MYO9B: variants seen among roughly 807,000 people sequenced by gnomAD.
MYO9B encodes myosin IXB.
Under a neutral mutation model 229.5 loss-of-function variants are expected in MYO9B, and 71 were observed. The ratio of observed to expected loss-of-function variants is 0.31; its 90% CI spans 0.26 to 0.38. The LOEUF (loss-of-function observed/expected upper bound fraction) is 0.38, where lower values mean the gene tolerates loss of function less well. Among genes scored for constraint, MYO9B ranks in the 10% least tolerant of loss-of-function variants. The pLI is 1.00. For missense variants in MYO9B, 2,255 were observed against 2,920.5 expected, an observed-to-expected ratio of 0.77 and a Z score of 5.25; for synonymous variants, 1,185 against 1,235.8, an observed-to-expected ratio of 0.96 and a Z score of 0.86.
At chr19:17,130,629 A>T (rs1396550781) in intron 2 of MYO9B, among the ~76,000 whole-genome samples, 3 of 151,610 alleles carry the variant, frequency 2.0e-5, no homozygotes, top group Admixed American at 6.6e-5. Flanking sequence ...CAAAAAAAAA[A>T]AAAAATTAAC....
chr19:17,145,606 G>GTGGATGTT, intron 3 of MYO9B, 115 bp downstream of exon 3: 1 of 917,160 alleles, frequency 1.1e-6, no homozygotes, highest in Non-Finnish European at 1.8e-6. Context: ...TTTATGCTTT[G>GTGGATGTT]TATGGGAGAG....
Position 17,203,273 on chromosome 19 carries a change from C to T in MYO9B, c.4990+15C>T, listed in dbSNP as rs779304419. 6.5e-7 allele frequency: 1 copy of T among 1,533,780 alleles called. No individual in the cohort carries two copies. On this transcript the variant is annotated intron_variant, in intron 30 of 39. Transcript: ENST00000682292. ...GCTCTGCAGCGGTGAGTGGCTCCCC[C>T]ACCAGGCCCCAAAACCCTCCATGTC...
In MYO9B at chr19:17,194,723, C is replaced by T. The variant is rs151050717; in HGVS notation, c.3296C>T (p.Ser1099Leu). The T allele has an allele frequency of 9.9e-6, 16 of 1,612,770 alleles. No homozygotes were observed. Among genetic ancestry groups the T allele is most frequent in the Admixed American group, 3.3e-5 (2 of 59,990 alleles). Reference sequence around the variant, plus strand: ...GCGGAGGATGGCGGGCACCTGGCATCGGAGCCTGAGGTGCAGCCAAGTGAC... The same window carrying T: ...GCGGAGGATGGCGGGCACCTGGCATTGGAGCCTGAGGTGCAGCCAAGTGAC... ...EPAEDGGHLASEPEVQPSDRS... is the reference protein window; with the variant it reads ...EPAEDGGHLALEPEVQPSDRS... Residue 1099 changes from serine to leucine, a missense_variant, in exon 22 of 40, where the codon TCG becomes TTG. By Grantham distance (145) the Ser-to-Leu change is moderately radical. Transcript: ENST00000682292.
chr19:17,175,682 C>G lies in MYO9B; in HGVS notation c.2160C>G (p.Ala720=). The change falls in exon 14 of 40, where the codon GCC becomes GCG. Residue 720 remains alanine (A), a synonymous_variant. Transcript: ENST00000682292. ...CGGCAGGTATGAGCAGCCCTGGTGC[C>G]CAAAGTCACCCAGAAGAGCTGCCAA... The part of the protein sequence containing the change: ...EKAAGMSSPG[A]QSHPEELPRG... The G allele has an allele frequency of 6.4e-7, 1 of 1,574,336 alleles. No homozygotes were observed. The highest frequency in any genetic ancestry group is 1.2e-5 in the South Asian group (1 of 85,450).
intron 2 of MYO9B, among the ~76,000 whole-genome samples, chr19:17,135,993 C>T (rs1458784039): frequency 6.6e-6 from 1 of 152,100 alleles, no homozygotes; most frequent in African/African-American, 2.4e-5. Flanking sequence ...CTGCAGACAC[C>T]CCAGGGCCAC....
intron 33 of MYO9B, 58 bp downstream of exon 33, chr19:17,206,434 G>T (rs113389478): frequency 6.3e-7 from 1 of 1,582,318 alleles, no homozygotes; most frequent in African/African-American, 1.3e-5. Context: ...TACAGCGTTC[G>T]CTGTGACCAG....
chr19:17,124,678 C>CAAATCTGGGAGGCAGAGGT (rs2057997580), intron 2 of MYO9B, among the ~76,000 whole-genome samples: 1 of 144,260 alleles, frequency 6.9e-6, no homozygotes. Context: ...GAGAATTGCT[C>CAAATCTGGGAGGCAGAGGT]AAATCTGGGA....
At chr19:17,199,727 A>G (rs1164877214) in intron 24 of MYO9B, among the ~76,000 whole-genome samples, 6 of 120,168 alleles carry the variant, frequency 5.0e-5, no homozygotes, top group Admixed American at 9.3e-5. Flanking sequence ...TATTTTTGGT[A>G]CAGAAGGGGT....
At chr19:17,158,685 G>C (rs903878235) in intron 7 of MYO9B, among the ~76,000 whole-genome samples, 1 of 152,158 alleles carries the variant, frequency 6.6e-6, no homozygotes, top group African/African-American at 2.4e-5. Context: ...GCTTGGCAGT[G>C]CGGGGAGGGA....
rs549507385 is a variant in MYO9B at position 17,108,216 on chromosome 19, C to T, written c.840+5659C>T. 6.6e-5 allele frequency among the ~76,000 whole-genome samples: 10 copies of T among 152,328 alleles called. No individual in the cohort carries two copies. The East Asian group carries it at 1.9e-3, about 29-fold the overall frequency. ...GCCTCAGCAGCGGGGGCTGGCGAGGCCAGTTTTCTCCAGCGGTTCTAAGCC... is the reference window on the plus strand; with the variant it reads ...GCCTCAGCAGCGGGGGCTGGCGAGGTCAGTTTTCTCCAGCGGTTCTAAGCC... On this transcript the variant is annotated intron_variant, in intron 2 of 39. Transcript: ENST00000682292.
At chr19:17,184,812 C>G (rs779534558) in intron 16 of MYO9B, 53 bp from the exon 17 acceptor site, 2 of 1,608,618 alleles carry the variant, frequency 1.2e-6, no homozygotes, top group Non-Finnish European at 1.7e-6. Flanking sequence ...GATGCCTCCC[C>G]GTGCCCGTGT....
At chr19:17,084,671 C>T (rs991698012) in intron 1 of MYO9B, among the ~76,000 whole-genome samples, 1 of 149,598 alleles carries the variant, frequency 6.7e-6, no homozygotes, top group African/African-American at 2.5e-5. Context: ...TGAGACCAGC[C>T]TGGCCAACAT....
rs1359110443 is a variant in MYO9B, at chr19:17,176,207, A to AT, written c.2219+475dup. ...ACCACACCCGGCTAATTTCTTTTGT[A>AT]TTTTTTTTTAACTAGAGACGGGGTT... On this transcript the variant is annotated intron_variant, in intron 14 of 39. Transcript: ENST00000682292. 3.0e-4 allele frequency among the ~76,000 whole-genome samples: 45 copies of AT among 149,890 alleles called. 1 individual carries two copies. The highest frequency in any genetic ancestry group is 9.3e-4 in the African/African-American group (38 of 40,786).
At position 17,183,754 on chromosome 19, in the gene MYO9B, G is replaced by A. The variant is rs1032825845; in HGVS notation, c.2334-75G>A. The A allele has an allele frequency of 1.2e-4, 153 of 1,310,296 alleles. 1 individual carries two copies. The highest frequency in any genetic ancestry group is 8.9e-4 in the Admixed American group (37 of 41,572). The allele number at this position is 1,310,296 out of a possible 1,614,324, so 81.2% of individuals were successfully genotyped here. On this transcript the variant is annotated intron_variant, in intron 15 of 39. Coordinates refer to ENST00000682292, the MANE Select transcript of MYO9B (RefSeq NM_004145.4). ...TGTCTCTCAGTCTAACCCGCCAGGCGTGGCTTGCTGAACTAACCCAAATCC... is the reference window on the plus strand; with the variant it reads ...TGTCTCTCAGTCTAACCCGCCAGGCATGGCTTGCTGAACTAACCCAAATCC...
At position 17,206,390 on chromosome 19, in the gene MYO9B, C is replaced by T. The variant is rs528628224; in HGVS notation, c.5386+14C>T. 4.2e-5 allele frequency: 68 copies of T among 1,606,978 alleles called. 2 individuals are homozygous for T. The South Asian group carries it at 5.1e-4, about 12-fold the overall frequency. On this transcript the variant is annotated intron_variant, in intron 33 of 39. Coordinates refer to ENST00000682292, the MANE Select transcript of MYO9B (RefSeq NM_004145.4). Reference sequence around the variant, plus strand: ...TCCGAGCCGTCGGTGAGCCCCATGGCGGTGCGGGTGGCAGCAGGTGGCCAC... The same window carrying T: ...TCCGAGCCGTCGGTGAGCCCCATGGTGGTGCGGGTGGCAGCAGGTGGCCAC...
chr19:17,193,133 C>G lies in MYO9B; in HGVS notation c.3128+71C>G. ...AAAGGTCACTCACCAAATTGCTGCC[C>G]GTGATATACCATCTGGCCTGTGGCA... On this transcript the variant is annotated intron_variant, in intron 21 of 39. Coordinates refer to ENST00000682292, the MANE Select transcript of MYO9B (RefSeq NM_004145.4). This position sits in a 1 kb window ranked among gnomAD's most constrained non-coding sequence, Gnocchi z 4.3. The G allele has an allele frequency of 7.2e-7, 1 of 1,391,680 alleles. No homozygotes were observed. The highest frequency in any genetic ancestry group is 9.4e-7 in the Non-Finnish European group (1 of 1,062,864). The allele number at this position is 1,391,680 out of a possible 1,614,324, so 86.2% of individuals were successfully genotyped here. A position where few individuals can be genotyped will look rare whatever the true frequency, so the allele number is the denominator to read the frequency against.
intron 35 of MYO9B, chr19:17,207,886 T>A (rs1181854656): frequency 6.6e-6 from 1 of 152,200 alleles, no homozygotes; most frequent in Non-Finnish European, 1.5e-5. Flanking sequence ...GGCGCATGCC[T>A]GTAATCCCAG....
intron 18 of MYO9B, among the ~76,000 whole-genome samples, chr19:17,186,501 A>G (rs74496763): frequency 0.091 from 13,859 of 152,140 alleles, 1,356 homozygotes; most frequent in African/African-American, 0.25. Context: ...ACTGAGCAGG[A>G]GTGTGGGCTC....
chr19:17,194,240 A>G (rs1223383754), intron 21 of MYO9B, among the ~76,000 whole-genome samples: 2 of 152,160 alleles, frequency 1.3e-5, no homozygotes, highest in Non-Finnish European at 2.9e-5. Flanking sequence ...CCCAAGGGAA[A>G]GCCCACAGTG....
Sources: gnomAD v4.1 joint callset for allele counts (sites outside exome capture counted in the v4.1 genomes callset) on GRCh38, gnomAD v4.1.1 for gene constraint, Gnocchi (gnomAD v3.1) non-coding constraint, MANE v1.5 for transcripts, NCBI Gene and HGNC (gene_info 2026-07-23, HGNC 2026-07-21) for gene names.